KLHL7: variants seen among roughly 807,000 people sequenced by gnomAD.
KLHL7 encodes the protein kelch-like protein 7.
A neutral mutation model predicts 67.4 loss-of-function variants in KLHL7; 44 were observed. The observed-to-expected ratio is 0.65, with a 90% CI of 0.51 to 0.84. KLHL7 has a LOEUF of 0.84. Among genes scored for constraint, KLHL7 ranks in the 40% least tolerant of loss-of-function variants. The probability of loss-of-function intolerance (pLI) is 0.00; values close to 1 mark genes in which losing one functional copy is unlikely to be tolerated. For synonymous variants in KLHL7, 252 were observed against 243.3 expected, an observed-to-expected ratio of 1.04 and a Z score of -0.33; for missense variants, 362 against 718.1, an observed-to-expected ratio of 0.50 and a Z score of 5.67.
Position 23,140,856 on chromosome 7 carries a change from A to G in KLHL7, c.530A>G (p.Tyr177Cys). The G allele has an allele frequency of 6.2e-7, 1 of 1,614,076 alleles. No individual in the cohort carries two copies. Among genetic ancestry groups the G allele is most frequent in the Non-Finnish European group, 8.5e-7 (1 of 1,179,958 alleles). ...ATTCATCAGCACTTTACTGAAGTTT[A>G]CAAAACTGATGAATTTCTTCAACTT... ...DFIHQHFTEV[Y>C]KTDEFLQLDV... The change falls in exon 5 of 11, where the codon TAC becomes TGC. Residue 177 changes from tyrosine (Y) to cysteine (C), a missense_variant. Coordinates refer to ENST00000339077, the MANE Select transcript of KLHL7 (RefSeq NM_001031710.3).
At chr7:23,136,825 A>G (rs1783994011) in intron 4 of KLHL7, among the ~76,000 whole-genome samples, 1 of 152,224 alleles carries the variant, frequency 6.6e-6, no homozygotes, top group Non-Finnish European at 1.5e-5. Flanking sequence ...CACACAATAA[A>G]CTGAAATCTT....
rs1043587892 is a variant in KLHL7, at chr7:23,152,154, G to A, written c.881G>A (p.Arg294His). 1.1e-5 allele frequency: 17 copies of A among 1,613,668 alleles called. No homozygotes were observed. Among genetic ancestry groups the A allele is most frequent in the Admixed American group, 1.7e-5 (1 of 59,984 alleles). Residue 294 changes from arginine to histidine, a missense_variant, in exon 7 of 11, where the codon CGC becomes CAC. Physicochemically the swap from Arg to His is conservative, Grantham distance 29. Coordinates refer to ENST00000339077, the MANE Select transcript of KLHL7 (RefSeq NM_001031710.3). ...CCTAGAAGAAAGAAACATGACTACC[G>A]CATAGCCCTATTTGGAGGCTCTCAA... is the stretch of plus-strand genomic sequence containing the variant. ...TRPRRKKHDYRIALFGGSQPQ... is the reference protein window; with the variant it reads ...TRPRRKKHDYHIALFGGSQPQ...
chr7:23,164,839 CT>C, intron 7 of KLHL7, among the ~76,000 whole-genome samples: 1 of 152,292 alleles, frequency 6.6e-6, no homozygotes, highest in East Asian at 1.9e-4. Context: ...TAGTGCTTTC[CT>C]TGGTGAGATT....
At chr7:23,123,997 C>G in intron 2 of KLHL7, 118 bp downstream of exon 2, 1 of 743,408 alleles carries the variant, frequency 1.3e-6, no homozygotes, top group East Asian at 2.7e-5. Context: ...GGCCACAGAA[C>G]AGTGAAGAGA....
rs113652517 is a variant in KLHL7 at position 23,157,864 on chromosome 7, C to T, written c.936+5655C>T. 3.2e-3 allele frequency among the ~76,000 whole-genome samples: 483 copies of T among 152,304 alleles called. 5 individuals are homozygous for T. Among genetic ancestry groups the T allele is most frequent in the African/African-American group, 0.011 (451 of 41,572 alleles). Reference sequence around the variant, plus strand: ...CTTAATTATAAATTAACAGATCACTCTAAAAAGGGTCAGGGAGAGTGGAAA... The same window carrying T: ...CTTAATTATAAATTAACAGATCACTTTAAAAAGGGTCAGGGAGAGTGGAAA... On this transcript the variant is annotated intron_variant, in intron 7 of 10. Transcript: ENST00000339077.
chr7:23,144,102 T>C (rs1784278223), intron 6 of KLHL7, 77 bp downstream of exon 6: 3 of 1,197,500 alleles, frequency 2.5e-6, no homozygotes, highest in Non-Finnish European at 3.7e-6. Flanking sequence ...TTAGAATGGA[T>C]TAGACTCAGT....
intron 4 of KLHL7, chr7:23,125,820 T>C (rs1783548010): frequency 1.3e-6 from 2 of 1,550,076 alleles, no homozygotes; most frequent in Non-Finnish European, 1.7e-6. Context: ...CACTGTGTGA[T>C]GATCCTTAGT....
intron 5 of KLHL7, among the ~76,000 whole-genome samples, chr7:23,143,608 A>G (rs1784262037): frequency 6.6e-6 from 1 of 152,270 alleles, no homozygotes; most frequent in South Asian, 2.1e-4. Context: ...CATAAATTCA[A>G]CATCCTCCCT....
At chr7:23,147,072 A>G (rs6955726) in intron 6 of KLHL7, among the ~76,000 whole-genome samples, 66,510 of 141,146 alleles carry the variant, frequency 0.47, 17,375 homozygotes, top group African/African-American at 0.74. Context: ...TTTTCCTTCT[A>G]TGTATTACTT....
Position 23,154,864 on chromosome 7 carries a change from GT to G in KLHL7, c.936+2656del, listed in dbSNP as rs113285008. Among the ~76,000 whole-genome samples the G allele has an allele frequency of 1.7e-3, 263 of 152,268 alleles. 3 individuals are homozygous for G. Among genetic ancestry groups the G allele is most frequent in the African/African-American group, 6.0e-3 (249 of 41,558 alleles). On this transcript the variant is annotated intron_variant, in intron 7 of 10. Coordinates refer to ENST00000339077, the MANE Select transcript of KLHL7 (RefSeq NM_001031710.3). ...TAAGAAGACTATATCTGGCCCTCTTGTAACAAAGTTACCAGTCTCAGCAGTT... is the reference window on the plus strand; with the variant it reads ...TAAGAAGACTATATCTGGCCCTCTTGAACAAAGTTACCAGTCTCAGCAGTT...
At chr7:23,138,686 C>T (rs184907582) in intron 4 of KLHL7, among the ~76,000 whole-genome samples, 15 of 151,644 alleles carry the variant, frequency 9.9e-5, no homozygotes, top group Admixed American at 5.9e-4. Context: ...TATAGATGCG[C>T]GCCACCACAC....
At chr7:23,139,104 A>C (rs889794510) in intron 4 of KLHL7, among the ~76,000 whole-genome samples, 14 of 151,094 alleles carry the variant, frequency 9.3e-5, no homozygotes, top group African/African-American at 2.9e-4. Flanking sequence ...AAAAAAAAAA[A>C]CAAGAATACC....
At chr7:23,156,748 G>C (rs963803675) in intron 7 of KLHL7, among the ~76,000 whole-genome samples, 2 of 152,158 alleles carry the variant, frequency 1.3e-5, no homozygotes, top group African/African-American at 4.8e-5. Context: ...AGGTTCAGAA[G>C]GTTTACCCTG....
intron 4 of KLHL7, among the ~76,000 whole-genome samples, chr7:23,128,134 A>AG (rs1030572326): frequency 1.1e-4 from 13 of 117,582 alleles, no homozygotes; most frequent in African/African-American, 5.4e-4. Flanking sequence ...CTCTGTCTCA[A>AG]GAAAAAAAAA....
intron 4 of KLHL7, chr7:23,125,799 G>A (rs2128460661): frequency 1.3e-6 from 2 of 1,545,642 alleles, no homozygotes; most frequent in South Asian, 1.2e-5. Flanking sequence ...TCCAGAGTGT[G>A]GTATGCTTTT....
In KLHL7 at chr7:23,151,960, A is replaced by G. The variant is rs987473976; in HGVS notation, c.794-107A>G. On this transcript the variant is annotated intron_variant, in intron 6 of 10. Coordinates refer to ENST00000339077, the MANE Select transcript of KLHL7 (RefSeq NM_001031710.3). ...TCCTCAAATGCTATAGAGATATCAT[A>G]AAAGTAAGTTACTGAAATAAAGGCC... The G allele has an allele frequency of 2.2e-5, 23 of 1,057,016 alleles. No individual in the cohort carries two copies. In the African/African-American group the frequency reaches 3.3e-4, roughly 15 times the overall value. The allele number at this position is 1,057,016 out of a possible 1,614,324, so 65.5% of individuals were successfully genotyped here.
At chr7:23,114,035 C>T (rs1178338006) in intron 1 of KLHL7, among the ~76,000 whole-genome samples, 1 of 152,242 alleles carries the variant, frequency 6.6e-6, no homozygotes, top group African/African-American at 2.4e-5. Flanking sequence ...ATATCTACCT[C>T]ACTTCCTCAC....
intron 7 of KLHL7, among the ~76,000 whole-genome samples, chr7:23,158,247 G>A (rs1461569868): frequency 1.3e-5 from 2 of 152,106 alleles, no homozygotes; most frequent in African/African-American, 4.8e-5. Flanking sequence ...GATTATAGAT[G>A]TGAGCCACCA....
intron 9 of KLHL7, among the ~76,000 whole-genome samples, chr7:23,170,199 A>G (rs1471372539): frequency 6.6e-6 from 1 of 152,214 alleles, no homozygotes; most frequent in African/African-American, 2.4e-5. Flanking sequence ...GGGCAACAAG[A>G]GCGAAACTCT....
Sources: gnomAD v4.1 joint callset for allele counts (sites outside exome capture counted in the v4.1 genomes callset) on GRCh38, gnomAD v4.1.1 for gene constraint, MANE v1.5 for transcripts, NCBI Gene and HGNC (gene_info 2026-07-23, HGNC 2026-07-21) for gene names.